Variants in BCL2 observed in about 807,000 individuals in gnomAD.
The protein encoded by BCL2 is apoptosis regulator Bcl-2.
A neutral mutation model predicts 14.2 loss-of-function variants in BCL2; 1 was observed. The observed-to-expected ratio is 0.07, with a 90% CI of 0.02 to 0.33. BCL2 has a LOEUF of 0.33. Among genes scored for constraint, BCL2 ranks in the 10% least tolerant of loss-of-function variants. The probability of loss-of-function intolerance (pLI) is 0.99; values close to 1 mark genes in which losing one functional copy is unlikely to be tolerated. For missense variants in BCL2, 247 were observed against 305.9 expected, an observed-to-expected ratio of 0.81 and a Z score of 1.44; for synonymous variants, 151 against 137.2, an observed-to-expected ratio of 1.10 and a Z score of -0.70.
intron 2 of BCL2, among the ~76,000 whole-genome samples, chr18:63,226,682 T>C (rs1910557597): frequency 6.6e-6 from 1 of 152,136 alleles, no homozygotes. Flanking sequence ...TTATTTAAGA[T>C]ATATATGAAT....
Position 63,287,097 on chromosome 18 carries a change from C to G in BCL2, c.585+30985G>C, listed in dbSNP as rs527459048. Among the ~76,000 whole-genome samples the G allele has an allele frequency of 1.4e-4, 22 of 152,262 alleles. 2 individuals are homozygous for G. The South Asian group carries it at 4.4e-3, about 30-fold the overall frequency. On this transcript the variant is annotated intron_variant, in intron 2 of 2. Coordinates refer to ENST00000333681, the MANE Select transcript of BCL2 (RefSeq NM_000633.3). ...TCTCTCACTTCTCTCTCTACTACCC[C>G]CTTCTTGGATCCCTTTTCTCACAAG...
intron 2 of BCL2, among the ~76,000 whole-genome samples, chr18:63,198,864 A>G: frequency 2.2e-5 from 1 of 45,386 alleles, no homozygotes. Flanking sequence ...GACACACACA[A>G]AGACACACAG....
chr18:63,268,107 C>T (rs1408230231), intron 2 of BCL2, among the ~76,000 whole-genome samples: 1 of 152,206 alleles, frequency 6.6e-6, no homozygotes, highest in African/African-American at 2.4e-5. Flanking sequence ...TGTGTATGTG[C>T]GTCTGCACAC....
At chr18:63,219,522 T>C (rs569428868) in intron 2 of BCL2, among the ~76,000 whole-genome samples, 1 of 143,374 alleles carries the variant, frequency 7.0e-6, no homozygotes, top group Admixed American at 7.3e-5. Flanking sequence ...AGTGGCACAA[T>C]CTCAGCTCAC....
At chr18:63,134,233 C>T (rs1468592240) in intron 2 of BCL2, among the ~76,000 whole-genome samples, 1 of 152,108 alleles carries the variant, frequency 6.6e-6, no homozygotes, top group Non-Finnish European at 1.5e-5. Flanking sequence ...ATGTATATTA[C>T]TATTTATGAA....
At chr18:63,169,505 TTTCTC>T (rs897346516) in intron 2 of BCL2, among the ~76,000 whole-genome samples, 8 of 136,854 alleles carry the variant, frequency 5.8e-5, no homozygotes, top group African/African-American at 1.6e-4. Context: ...CTCTCTTTCT[TTTCTC>T]TTCTCTTCTC....
At chr18:63,250,777 A>G (rs536352936) in intron 2 of BCL2, among the ~76,000 whole-genome samples, 91 of 152,364 alleles carry the variant, frequency 6.0e-4, no homozygotes, top group Non-Finnish European at 1.2e-3. Flanking sequence ...AAAATATTTT[A>G]AAAACAACAA....
chr18:63,125,476 CT>C lies in BCL2; in HGVS notation c.*3148del. On this transcript the variant is annotated 3_prime_UTR_variant, in exon 3 of 3. Coordinates refer to ENST00000333681, the MANE Select transcript of BCL2 (RefSeq NM_000633.3). The stretch of plus-strand genomic sequence containing the variant: ...CTCAGATGTTCTTCTCCTTTTGGGG[CT>C]TTTTTTAGAGCCCTTGTCCCCAATT... 2 of 219,342 alleles carry C rather than the reference CT, an allele frequency of 9.1e-6. No homozygotes were observed. Among genetic ancestry groups the C allele is most frequent in the Non-Finnish European group, 1.8e-5 (2 of 109,282 alleles). 13.6% of individuals were successfully genotyped at this position (219,342 alleles called of 1,614,324 possible).
intron 2 of BCL2, among the ~76,000 whole-genome samples, chr18:63,236,776 C>G (rs2144185403): frequency 6.6e-6 from 1 of 152,270 alleles, no homozygotes; most frequent in African/African-American, 2.4e-5. Flanking sequence ...TTCCAGCACC[C>G]TATCTAAATT....
chr18:63,279,177 G>A (rs548910878), intron 2 of BCL2, among the ~76,000 whole-genome samples: 3 of 152,332 alleles, frequency 2.0e-5, no homozygotes, highest in East Asian at 3.9e-4. Context: ...AACCATGAAG[G>A]AAAAGAGTGA....
chr18:63,277,215 G>A (rs1275595433), intron 2 of BCL2, among the ~76,000 whole-genome samples: 1 of 152,078 alleles, frequency 6.6e-6, no homozygotes, highest in African/African-American at 2.4e-5. Flanking sequence ...ATTTATCAGA[G>A]CTCAACATTA....
At chr18:63,137,566 T>A (rs1473603761) in intron 2 of BCL2, among the ~76,000 whole-genome samples, 2 of 152,178 alleles carry the variant, frequency 1.3e-5, no homozygotes, top group Admixed American at 1.3e-4. Flanking sequence ...GCTTTTTTTT[T>A]CTTTCAGCAG....
At chr18:63,297,106 G>T (rs936572286) in intron 2 of BCL2, among the ~76,000 whole-genome samples, 5 of 152,102 alleles carry the variant, frequency 3.3e-5, no homozygotes, top group African/African-American at 1.2e-4. Flanking sequence ...CCAGCTGCTT[G>T]GGAGGCTGAG....
At chr18:63,309,204 T>A (rs898568148) in intron 2 of BCL2, among the ~76,000 whole-genome samples, 1 of 152,080 alleles carries the variant, frequency 6.6e-6, no homozygotes, top group African/African-American at 2.4e-5. Context: ...TAAGACAGCA[T>A]CAGCAGTAGC....
chr18:63,240,971 G>T (rs139445690), intron 2 of BCL2, among the ~76,000 whole-genome samples: 10 of 152,226 alleles, frequency 6.6e-5, no homozygotes, highest in African/African-American at 2.4e-4. Context: ...TATAGCATGG[G>T]TTGGAAAACA....
At chr18:63,250,501 G>C (rs1911279180) in intron 2 of BCL2, among the ~76,000 whole-genome samples, 1 of 152,232 alleles carries the variant, frequency 6.6e-6, no homozygotes, top group African/African-American at 2.4e-5. Context: ...CAGTTAATAT[G>C]ATGACGATGA....
At chr18:63,137,377 T>C (rs963790637) in intron 2 of BCL2, among the ~76,000 whole-genome samples, 1 of 152,240 alleles carries the variant, frequency 6.6e-6, no homozygotes, top group African/African-American at 2.4e-5. Flanking sequence ...TTATTTATCT[T>C]TGGATCCCTG....
chr18:63,208,339 C>A (rs1341552067), intron 2 of BCL2, among the ~76,000 whole-genome samples: 1 of 152,134 alleles, frequency 6.6e-6, no homozygotes, highest in Non-Finnish European at 1.5e-5. Flanking sequence ...ACTGTACCCC[C>A]CACCCCCGCC....
intron 2 of BCL2, among the ~76,000 whole-genome samples, chr18:63,226,102 C>T (rs1910535808): frequency 6.6e-6 from 1 of 152,136 alleles, no homozygotes; most frequent in Non-Finnish European, 1.5e-5. Flanking sequence ...GTAATCTTCC[C>T]CTGAAGTCCA....
Sources: allele counts gnomAD v4.1 joint callset (sites outside exome capture counted in the v4.1 genomes callset), GRCh38; gene constraint gnomAD v4.1.1; transcripts MANE v1.5; gene names NCBI Gene and HGNC (gene_info 2026-07-23, HGNC 2026-07-21).